DAAM1: variants seen among roughly 807,000 people sequenced by gnomAD.
DAAM1 encodes disheveled-associated activator of morphogenesis 1.
A neutral mutation model predicts 130.0 loss-of-function variants in DAAM1; 52 were observed. The ratio of observed to expected loss-of-function variants is 0.40; its 90% CI spans 0.32 to 0.50. The LOEUF (loss-of-function observed/expected upper bound fraction) is 0.50. DAAM1 is among the 20% of genes least tolerant of loss of function. The pLI, the probability that DAAM1 is intolerant of heterozygous loss-of-function variation, is 0.61. For synonymous variants in DAAM1, 452 were observed against 444.5 expected (o/e 1.02, Z -0.21); for missense variants, 1,134 against 1,303.8 (o/e 0.87, Z 2.01).
chr14:59,223,942 T>C (rs1256370897), intron 1 of DAAM1, among the ~76,000 whole-genome samples: 1 of 152,186 alleles, frequency 6.6e-6, no homozygotes, highest in African/African-American at 2.4e-5. Flanking sequence ...ACTCACTAGA[T>C]TCAGTCAGCA....
At chr14:59,345,758 G>A (rs369696221) in intron 16 of DAAM1, among the ~76,000 whole-genome samples, 66 of 152,244 alleles carry the variant, frequency 4.3e-4, no homozygotes, top group South Asian at 2.1e-3. Context: ...GAGGATTTCA[G>A]CATATCATCT....
Position 59,353,900 on chromosome 14 carries a change from G to A in DAAM1, c.2292G>A (p.Leu764=), listed in dbSNP as rs376003798. Residue 764 remains leucine (L), a synonymous_variant, in exon 19 of 25, where the codon TTG becomes TTA. Coordinates refer to ENST00000360909, the MANE Select transcript of DAAM1 (RefSeq NM_001270520.2). ...GAATTAATCACTATCAGCAAAGGTT[G>A]CAATCGCTGTACTTCAAAAAGAAGT... ...MSRINHYQQR[L]QSLYFKKKFA... 1.9e-6 allele frequency: 3 copies of A among 1,613,938 alleles called. No individual in the cohort carries two copies. The highest frequency in any genetic ancestry group is 2.7e-5 in the African/African-American group (2 of 74,910).
chr14:59,247,873 C>T (rs1209937632), intron 1 of DAAM1, among the ~76,000 whole-genome samples: 1 of 152,122 alleles, frequency 6.6e-6, no homozygotes, highest in African/African-American at 2.4e-5. Flanking sequence ...TTATCATATA[C>T]CATGTTGTGC....
In DAAM1 at chr14:59,371,136, G is replaced by A. The variant is rs1478483552; in HGVS notation, c.*2277G>A. 1 of 150,554 alleles carries A rather than the reference G, an allele frequency of 6.6e-6. No individual in the cohort carries two copies. The highest frequency in any genetic ancestry group is 1.5e-5 in the Non-Finnish European group (1 of 67,778). 9.3% of individuals were successfully genotyped at this position (150,554 alleles called of 1,614,324 possible). A position where few individuals can be genotyped will look rare whatever the true frequency, so the allele number is the denominator to read the frequency against. ...AAAAAAAAACCTACTTTTTAGATTG[G>A]TGCTGGTGTAAGTAGCCACTTTTCT... On this transcript the variant is annotated 3_prime_UTR_variant, in exon 25 of 25. Coordinates refer to ENST00000360909, the MANE Select transcript of DAAM1 (RefSeq NM_001270520.2).
intron 1 of DAAM1, among the ~76,000 whole-genome samples, chr14:59,260,574 C>T (rs1882118281): frequency 6.6e-6 from 1 of 152,092 alleles, no homozygotes; most frequent in African/African-American, 2.4e-5. Context: ...AATTTATTTA[C>T]CTTTTCTGTA....
chr14:59,296,087 T>C (rs573358822), intron 3 of DAAM1, among the ~76,000 whole-genome samples: 2 of 152,360 alleles, frequency 1.3e-5, no homozygotes, highest in African/African-American at 2.4e-5. Flanking sequence ...TCTGCTCTTA[T>C]GTGATAAGAG....
chr14:59,238,774 C>A (rs765428506), intron 1 of DAAM1, among the ~76,000 whole-genome samples: 1 of 151,972 alleles, frequency 6.6e-6, no homozygotes, highest in Non-Finnish European at 1.5e-5. Context: ...TTTTGCGTCT[C>A]TAGACACCTC....
chr14:59,352,641 G>A lies in DAAM1; in HGVS notation c.2267+9G>A. The A allele has an allele frequency of 6.2e-7, 1 of 1,606,774 alleles. No homozygotes were observed. Among genetic ancestry groups the A allele is most frequent in the Non-Finnish European group, 8.5e-7 (1 of 1,175,754 alleles). ...CTTTTTGAGATGAGCCGGTGAGTTT[G>A]AAAATGCTGGGAATGTGAAGATGTC... On this transcript the variant is annotated intron_variant, in intron 18 of 24. Coordinates refer to ENST00000360909, the MANE Select transcript of DAAM1 (RefSeq NM_001270520.2).
intron 1 of DAAM1, among the ~76,000 whole-genome samples, chr14:59,249,418 C>T (rs138117291): frequency 2.6e-5 from 4 of 152,290 alleles, no homozygotes; most frequent in East Asian, 3.9e-4. Flanking sequence ...GGGACAGATA[C>T]CACGAAACTG....
intron 16 of DAAM1, among the ~76,000 whole-genome samples, chr14:59,341,368 C>A (rs1384248243): frequency 2.0e-5 from 3 of 152,142 alleles, no homozygotes; most frequent in Non-Finnish European, 4.4e-5. Flanking sequence ...CTTAAAATAA[C>A]TTGAAGGTCT....
At position 59,369,385 on chromosome 14, in the gene DAAM1, T is replaced by C. The variant is rs1239868231; in HGVS notation, c.*526T>C. The C allele has an allele frequency of 2.6e-5, 4 of 153,082 alleles. No homozygotes were observed. Among genetic ancestry groups the C allele is most frequent in the African/African-American group, 9.6e-5 (4 of 41,456 alleles). 9.5% of individuals were successfully genotyped at this position (153,082 alleles called of 1,614,324 possible). ...GATAGCTGACATTGTGATGTTGATG[T>C]ATCACATCAGTAATAGGACCAGCTT... On this transcript the variant is annotated 3_prime_UTR_variant, in exon 25 of 25. Transcript: ENST00000360909.
At chr14:59,298,422 T>G (rs1884040482) in intron 3 of DAAM1, among the ~76,000 whole-genome samples, 1 of 152,234 alleles carries the variant, frequency 6.6e-6, no homozygotes, top group Admixed American at 6.5e-5. Flanking sequence ...CCCAGTTTTT[T>G]TAAGCACCGT....
intron 1 of DAAM1, among the ~76,000 whole-genome samples, chr14:59,196,667 C>T (rs1040319081): frequency 2.9e-4 from 44 of 151,890 alleles, no homozygotes; most frequent in African/African-American, 8.0e-4. Context: ...GGCGTGAACC[C>T]GGGAGGCGGA....
intron 1 of DAAM1, among the ~76,000 whole-genome samples, chr14:59,225,805 G>T (rs1888924140): frequency 6.6e-6 from 1 of 152,232 alleles, no homozygotes; most frequent in African/African-American, 2.4e-5. Flanking sequence ...CCTGACTACT[G>T]AGAGGGTGCT....
In DAAM1 at chr14:59,370,144, C is replaced by CTTTT. The variant is rs398025271; in HGVS notation, c.*1308_*1311dup. On this transcript the variant is annotated 3_prime_UTR_variant, in exon 25 of 25. Coordinates refer to ENST00000360909, the MANE Select transcript of DAAM1 (RefSeq NM_001270520.2). ...TATAAAGAGGACTGTTACTTTTTTA[C>CTTTT]TTTTTTTTTTTTTTTTTTTTTTTTT... 1.0e-5 allele frequency: 1 copy of CTTTT among 95,400 alleles called. No individual in the cohort carries two copies. Among genetic ancestry groups the CTTTT allele is most frequent in the Non-Finnish European group, 2.2e-5 (1 of 46,364 alleles). The allele number at this position is 95,400 out of a possible 1,614,324, so 5.9% of individuals were successfully genotyped here.
At chr14:59,342,116 G>A (rs558227792) in intron 16 of DAAM1, among the ~76,000 whole-genome samples, 1 of 152,310 alleles carries the variant, frequency 6.6e-6, no homozygotes, top group East Asian at 1.9e-4. Flanking sequence ...CTTAGAACTT[G>A]AATGTATCTA....
rs185635868 is a variant in DAAM1 at position 59,199,324 on chromosome 14, C to T, written c.-38+10556C>T. 2.6e-5 allele frequency among the ~76,000 whole-genome samples: 4 copies of T among 152,240 alleles called. No individual in the cohort carries two copies. In the East Asian group the frequency reaches 7.7e-4, roughly 29 times the overall value. ...AAATTTGACATGAGGTCTTGAACTC[C>T]TGGCCTCAAGCAATCCTCCCGCCTC... On this transcript the variant is annotated intron_variant, in intron 1 of 24. Coordinates refer to ENST00000360909, the MANE Select transcript of DAAM1 (RefSeq NM_001270520.2).
chr14:59,349,028 A>C (rs1886188731), intron 17 of DAAM1, among the ~76,000 whole-genome samples: 1 of 152,226 alleles, frequency 6.6e-6, no homozygotes. Context: ...TCCTGAACCC[A>C]AAATTTATTT....
In DAAM1 at chr14:59,370,176, T is replaced by C. The variant is rs912946725; in HGVS notation, c.*1317T>C. Reference sequence around the variant, plus strand: ...TTTTTTTTTTTTTTTTTTTTGGCTTTGCTTTATTTATTTGTAGTTGGGGGC... The same window carrying C: ...TTTTTTTTTTTTTTTTTTTTGGCTTCGCTTTATTTATTTGTAGTTGGGGGC... On this transcript the variant is annotated 3_prime_UTR_variant, in exon 25 of 25. Transcript: ENST00000360909. 2.1e-5 allele frequency: 3 copies of C among 145,840 alleles called. No homozygotes were observed. In the South Asian group the frequency reaches 6.8e-4, roughly 33 times the overall value. The allele number at this position is 145,840 out of a possible 1,614,324, so 9.0% of individuals were successfully genotyped here.
Sources: gnomAD v4.1 joint callset for allele counts (sites outside exome capture counted in the v4.1 genomes callset) on GRCh38, gnomAD v4.1.1 for gene constraint, MANE v1.5 for transcripts, NCBI Gene and HGNC (gene_info 2026-07-23, HGNC 2026-07-21) for gene names.